The following ZBTB8A variants were observed in gnomAD, a reference collection of about 807,000 sequenced individuals.
ZBTB8A encodes the protein zinc finger and BTB domain containing 8A.
In ZBTB8A, 19 loss-of-function variants were observed where a neutral mutation model predicts 37.8. The observed-to-expected ratio is 0.50, with a 90% CI of 0.35 to 0.74. ZBTB8A has a LOEUF of 0.74. ZBTB8A is among the 30% of genes least tolerant of loss of function. The pLI is 0.01. For synonymous variants in ZBTB8A, 181 were observed against 185.2 expected (o/e 0.98, Z 0.19); for missense variants, 394 against 537.8 (o/e 0.73, Z 2.65).
intron 2 of ZBTB8A, among the ~76,000 whole-genome samples, chr1:32,574,939 A>G (rs998522812): frequency 6.6e-6 from 1 of 151,896 alleles, no homozygotes; most frequent in South Asian, 2.1e-4. Context: ...CGCCATGCCA[A>G]GCTAATTTTT....
At chr1:32,592,023 A>G (rs1408119990) in intron 2 of ZBTB8A, among the ~76,000 whole-genome samples, 1 of 151,682 alleles carries the variant, frequency 6.6e-6, no homozygotes, top group Non-Finnish European at 1.5e-5. Context: ...TTGTATTTTT[A>G]GTAGAGACGG....
intron 1 of ZBTB8A, among the ~76,000 whole-genome samples, chr1:32,544,302 G>A (rs1557699300): frequency 6.6e-6 from 1 of 152,208 alleles, no homozygotes; most frequent in African/African-American, 2.4e-5. Flanking sequence ...ACACGCCTAG[G>A]CTGTATGGTA....
chr1:32,569,408 T>G (rs1644307991), intron 2 of ZBTB8A, among the ~76,000 whole-genome samples: 1 of 145,144 alleles, frequency 6.9e-6, no homozygotes, highest in Non-Finnish European at 1.5e-5. Context: ...TTTTTTTTTT[T>G]TTTGAGACAG....
intron 2 of ZBTB8A, among the ~76,000 whole-genome samples, chr1:32,559,261 G>A (rs534548971): frequency 6.6e-6 from 1 of 151,860 alleles, no homozygotes; most frequent in East Asian, 1.9e-4. Context: ...ACAGGCACCC[G>A]CCACCACACC....
chr1:32,554,431 A>G (rs1025857961), intron 2 of ZBTB8A, among the ~76,000 whole-genome samples: 19 of 150,546 alleles, frequency 1.3e-4, no homozygotes, highest in Admixed American at 1.1e-3. Context: ...TTTAACACCC[A>G]GCATACATAT....
At position 32,572,965 on chromosome 1, in the gene ZBTB8A, T is replaced by C. The variant is rs192140298; in HGVS notation, c.-2+19425T>C. Among the ~76,000 whole-genome samples the C allele has an allele frequency of 2.6e-5, 4 of 152,048 alleles. No individual in the cohort carries two copies. In the East Asian group the frequency reaches 7.7e-4, roughly 29 times the overall value. On this transcript the variant is annotated intron_variant, in intron 2 of 4. Coordinates refer to ENST00000373510, the MANE Select transcript of ZBTB8A (RefSeq NM_001040441.3). ...TGATACAGATAACCAGCTTTTGGTT[T>C]CATTGATTTTTCTCTATCATTTCTT...
chr1:32,547,828 CAAAAAA>C (rs1194254576), intron 1 of ZBTB8A, among the ~76,000 whole-genome samples: 36 of 30,478 alleles, frequency 1.2e-3, no homozygotes, highest in Admixed American at 2.1e-3. Context: ...ACAAACAAAG[CAAAAAA>C]AAAAAAAAAA....
At chr1:32,582,476 T>C (rs911616544) in intron 2 of ZBTB8A, among the ~76,000 whole-genome samples, 1 of 152,058 alleles carries the variant, frequency 6.6e-6, no homozygotes, top group African/African-American at 2.4e-5. Flanking sequence ...GAAGAAACCC[T>C]GTCTCTACTA....
chr1:32,599,137 TTTTC>T, intron 4 of ZBTB8A, among the ~76,000 whole-genome samples: 1 of 152,146 alleles, frequency 6.6e-6, no homozygotes, highest in East Asian at 1.9e-4. Flanking sequence ...TATGCAATAT[TTTTC>T]TTTCTCTAGT....
chr1:32,580,430 G>A (rs1644394825), intron 2 of ZBTB8A, among the ~76,000 whole-genome samples: 1 of 151,768 alleles, frequency 6.6e-6, no homozygotes, highest in Admixed American at 6.6e-5. Context: ...CATGCCTATA[G>A]TCCCAGCTAT....
intron 3 of ZBTB8A, among the ~76,000 whole-genome samples, chr1:32,594,675 C>G (rs1254573241): frequency 2.6e-5 from 4 of 151,468 alleles, no homozygotes; most frequent in Admixed American, 2.6e-4. Context: ...GCAGAAGAAT[C>G]GCTTCAGGAG....
intron 4 of ZBTB8A, among the ~76,000 whole-genome samples, chr1:32,596,478 G>A (rs1378776604): frequency 2.0e-5 from 3 of 152,126 alleles, no homozygotes; most frequent in African/African-American, 7.2e-5. Context: ...CTACTCAGGA[G>A]GCTGAGGCAC....
intron 1 of ZBTB8A, among the ~76,000 whole-genome samples, chr1:32,550,036 A>G (rs1308163770): frequency 6.6e-6 from 1 of 152,174 alleles, no homozygotes; most frequent in East Asian, 1.9e-4. Flanking sequence ...TGGGAAATGT[A>G]CTTTTTAGTT....
Position 32,593,731 on chromosome 1 carries a change from A to G in ZBTB8A, c.800A>G (p.Asp267Gly), listed in dbSNP as rs1370071586. Residue 267 changes from aspartate (D) to glycine (G), a missense_variant, in exon 3 of 5, where the codon GAT becomes GGT. Coordinates refer to ENST00000373510, the MANE Select transcript of ZBTB8A (RefSeq NM_001040441.3). ...PVGYQYGQGS[D>G]VTSKSFPDDL... Reference sequence around the variant, plus strand: ...GGCTATCAGTACGGTCAAGGATCTGATGTCACATCCAAAAGCTTTCCAGGT... The same window carrying G: ...GGCTATCAGTACGGTCAAGGATCTGGTGTCACATCCAAAAGCTTTCCAGGT... 6.2e-7 allele frequency: 1 copy of G among 1,611,328 alleles called. No homozygotes were observed. Among genetic ancestry groups the G allele is most frequent in the Admixed American group, 1.7e-5 (1 of 59,496 alleles).
intron 2 of ZBTB8A, among the ~76,000 whole-genome samples, chr1:32,564,458 G>A (rs908172221): frequency 6.6e-6 from 1 of 152,134 alleles, no homozygotes; most frequent in African/African-American, 2.4e-5. Context: ...AGATGTCTGG[G>A]TAATGGAAGC....
chr1:32,580,728 G>A (rs1310138920), intron 2 of ZBTB8A, among the ~76,000 whole-genome samples: 35 of 151,966 alleles, frequency 2.3e-4, no homozygotes, highest in Non-Finnish European at 8.8e-5. Flanking sequence ...GTCTTAGTCC[G>A]TTTCTGTTGC....
Position 32,601,455 on chromosome 1 carries a change from C to G in ZBTB8A, c.*1036C>G, listed in dbSNP as rs1570379492. On this transcript the variant is annotated 3_prime_UTR_variant, in exon 5 of 5. Coordinates refer to ENST00000373510, the MANE Select transcript of ZBTB8A (RefSeq NM_001040441.3). Reference sequence around the variant, plus strand: ...CACCATTGCACTCCAGCCTGGGCAACAAGAGCGAAACTCCGTCTCAAAAAA... The same window carrying G: ...CACCATTGCACTCCAGCCTGGGCAAGAAGAGCGAAACTCCGTCTCAAAAAA... The G allele has an allele frequency of 2.6e-6, 1 of 383,190 alleles. No homozygotes were observed. Among genetic ancestry groups the G allele is most frequent in the African/African-American group, 2.1e-5 (1 of 48,230 alleles). 23.7% of individuals were successfully genotyped at this position (383,190 alleles called of 1,614,324 possible).
chr1:32,601,303 G>A lies in ZBTB8A; in HGVS notation c.*884G>A, dbSNP rs147251895. The A allele has an allele frequency of 2.6e-3, 459 of 178,390 alleles. No individual in the cohort carries two copies. The highest frequency in any genetic ancestry group is 9.9e-3 in the African/African-American group (422 of 42,710). 11.1% of individuals were successfully genotyped at this position (178,390 alleles called of 1,614,324 possible). A position where few individuals can be genotyped will look rare whatever the true frequency, so the allele number is the denominator to read the frequency against. On this transcript the variant is annotated 3_prime_UTR_variant, in exon 5 of 5. Coordinates refer to ENST00000373510, the MANE Select transcript of ZBTB8A (RefSeq NM_001040441.3). ...AGCCTGGCCAACATGGTGAAACCTCGTCTCTACTAAAAAATACAAAATTAG... is the reference window on the plus strand; with the variant it reads ...AGCCTGGCCAACATGGTGAAACCTCATCTCTACTAAAAAATACAAAATTAG...
chr1:32,600,483 T>C lies in ZBTB8A; in HGVS notation c.*64T>C. ...TACATTGACTTCCTGTATCTCTCTC[T>C]TTCTATGGTCGGAGTCTAGTTAACA... On this transcript the variant is annotated 3_prime_UTR_variant, in exon 5 of 5. Coordinates refer to ENST00000373510, the MANE Select transcript of ZBTB8A (RefSeq NM_001040441.3). The C allele has an allele frequency of 8.0e-7, 1 of 1,253,724 alleles. No individual in the cohort carries two copies. Among genetic ancestry groups the C allele is most frequent in the Non-Finnish European group, 1.1e-6 (1 of 896,120 alleles). 77.7% of individuals were successfully genotyped at this position (1,253,724 alleles called of 1,614,324 possible).
Sources: allele counts gnomAD v4.1 joint callset (sites outside exome capture counted in the v4.1 genomes callset), GRCh38; gene constraint gnomAD v4.1.1; transcripts MANE v1.5; gene names NCBI Gene and HGNC (gene_info 2026-07-23, HGNC 2026-07-21).